The following ADAMTS16 variants were observed in gnomAD, a reference collection of about 807,000 sequenced individuals.
ADAMTS16 encodes the protein A disintegrin and metalloproteinase with thrombospondin motifs 16.
A neutral mutation model predicts 145.8 loss-of-function variants in ADAMTS16; 94 were observed. The ratio of observed to expected loss-of-function variants is 0.64; its 90% CI spans 0.55 to 0.77. ADAMTS16 has a LOEUF of 0.77. Ranked by LOEUF, ADAMTS16 falls within the 30% of genes least tolerant of loss-of-function variation. The probability of loss-of-function intolerance (pLI) is 0.00; values close to 1 mark genes in which losing one functional copy is unlikely to be tolerated. For missense variants in ADAMTS16, 1,585 were observed against 1,591.5 expected (o/e 1.00, Z 0.07); for synonymous variants, 659 against 604.3 (o/e 1.09, Z -1.33).
chr5:5,319,681 G>T lies in ADAMTS16; in HGVS notation c.*543G>T, dbSNP rs1184203235. ...AGGCTCCTCCTCCTCCTCCCCAGCG[G>T]CCGAGCATCTCTTACCAGGAACCTG... On this transcript the variant is annotated 3_prime_UTR_variant, in exon 23 of 23. Coordinates refer to ENST00000274181, the MANE Select transcript of ADAMTS16 (RefSeq NM_139056.4). 2.5e-5 allele frequency: 9 copies of T among 353,732 alleles called. No individual in the cohort carries two copies. The highest frequency in any genetic ancestry group is 4.9e-5 in the Non-Finnish European group (9 of 183,088). 21.9% of individuals were successfully genotyped at this position (353,732 alleles called of 1,614,324 possible).
At chr5:5,297,840 T>C (rs968630223) in intron 18 of ADAMTS16, among the ~76,000 whole-genome samples, 1 of 152,238 alleles carries the variant, frequency 6.6e-6, no homozygotes, top group African/African-American at 2.4e-5. Context: ...AACAATTCAG[T>C]GTCTGTGTCT....
chr5:5,242,376 A>G (rs917753520), intron 17 of ADAMTS16, among the ~76,000 whole-genome samples, 185 bp downstream of exon 17: 2 of 152,140 alleles, frequency 1.3e-5, no homozygotes, highest in Admixed American at 1.3e-4. Context: ...TGCCTTCTCC[A>G]GTCTATCTGC....
At chr5:5,141,891 TA>T (rs11362322) in intron 2 of ADAMTS16, among the ~76,000 whole-genome samples, 68,291 of 151,748 alleles carry the variant, frequency 0.45, 15,873 homozygotes, top group Admixed American at 0.57. Context: ...TATAAAATGT[TA>T]AAAAAAATTG....
chr5:5,191,069 C>T (rs1245389596), intron 7 of ADAMTS16, among the ~76,000 whole-genome samples: 1 of 152,188 alleles, frequency 6.6e-6, no homozygotes. Context: ...TGCCACGACT[C>T]ATTGCTGGGG....
At chr5:5,207,083 A>G (rs1002638887) in intron 9 of ADAMTS16, among the ~76,000 whole-genome samples, 2 of 152,218 alleles carry the variant, frequency 1.3e-5, no homozygotes, top group Non-Finnish European at 2.9e-5. Flanking sequence ...TATATCCTCA[A>G]AATAACTTCC....
At chr5:5,270,093 C>T (rs1738406900) in intron 18 of ADAMTS16, among the ~76,000 whole-genome samples, 1 of 152,200 alleles carries the variant, frequency 6.6e-6, no homozygotes, top group Admixed American at 6.5e-5. Context: ...AATACAGAAG[C>T]CTCTCTGTGA....
At chr5:5,174,352 TTTCTC>T (rs1454708116) in intron 3 of ADAMTS16, among the ~76,000 whole-genome samples, 4 of 152,106 alleles carry the variant, frequency 2.6e-5, no homozygotes, top group African/African-American at 7.2e-5. Context: ...TGTTTTTTCT[TTTCTC>T]TTGTTGCTTT....
At chr5:5,262,903 G>C (rs1484151779) in intron 18 of ADAMTS16, 120 bp downstream of exon 18, 2 of 1,428,310 alleles carry the variant, frequency 1.4e-6, no homozygotes, top group South Asian at 1.4e-5. Context: ...CATAACAGTG[G>C]AGAAGCAAAG....
intron 18 of ADAMTS16, among the ~76,000 whole-genome samples, chr5:5,274,666 GTA>G (rs768781205): frequency 4.6e-5 from 7 of 150,592 alleles, no homozygotes; most frequent in African/African-American, 7.4e-5. Flanking sequence ...GTGCATGTGT[GTA>G]TATGTGTATA....
At chr5:5,144,963 T>C (rs1429886891) in intron 2 of ADAMTS16, among the ~76,000 whole-genome samples, 2 of 152,108 alleles carry the variant, frequency 1.3e-5, no homozygotes, top group African/African-American at 4.8e-5. Context: ...TCCTGTTGGG[T>C]GGGCGAGGCA....
At position 5,151,678 on chromosome 5, in the gene ADAMTS16, TTG is replaced by T. The variant is rs60381485; in HGVS notation, c.501+5269_501+5270del. On this transcript the variant is annotated intron_variant, in intron 3 of 22. Transcript: ENST00000274181. ...TATCCATTATTTCCCATAGTTCCCTTTGTGTGTGTGTGTGTGTGTGTGTGTGT... is the reference window on the plus strand; with the variant it reads ...TATCCATTATTTCCCATAGTTCCCTTTGTGTGTGTGTGTGTGTGTGTGTGT... Among the ~76,000 whole-genome samples, 15 of 139,676 alleles carry T rather than the reference TTG, an allele frequency of 1.1e-4. No individual in the cohort carries two copies. In the East Asian group the frequency reaches 2.8e-3, roughly 26 times the overall value. The allele number at this position is 139,676 out of a possible 152,430, so 91.6% of individuals were successfully genotyped here. A position where few individuals can be genotyped will look rare whatever the true frequency, so the allele number is the denominator to read the frequency against.
chr5:5,174,554 G>A (rs561082605), intron 3 of ADAMTS16, among the ~76,000 whole-genome samples: 193 of 152,022 alleles, frequency 1.3e-3, no homozygotes, highest in African/African-American at 4.3e-3. Flanking sequence ...CTCTCTCTCT[G>A]CCTTCTCTTT....
intron 11 of ADAMTS16, among the ~76,000 whole-genome samples, chr5:5,224,103 T>C (rs1340408412): frequency 6.6e-6 from 1 of 152,090 alleles, no homozygotes; most frequent in Non-Finnish European, 1.5e-5. Flanking sequence ...AGAAATAAGA[T>C]AAACTTATTG....
chr5:5,231,798 GA>G (rs1166371737), intron 11 of ADAMTS16, among the ~76,000 whole-genome samples: 1 of 152,196 alleles, frequency 6.6e-6, no homozygotes, highest in Non-Finnish European at 1.5e-5. Context: ...GGGGACAGAT[GA>G]AATTCCACAT....
At chr5:5,230,362 C>T (rs1736887240) in intron 11 of ADAMTS16, among the ~76,000 whole-genome samples, 2 of 152,274 alleles carry the variant, frequency 1.3e-5, no homozygotes, top group Middle Eastern at 3.4e-3. Context: ...ATTTTGAATA[C>T]TCACTAGACA....
At chr5:5,318,936 C>T in intron 22 of ADAMTS16, 87 bp from the exon 23 acceptor site, 3 of 1,030,964 alleles carry the variant, frequency 2.9e-6, no homozygotes, top group South Asian at 1.4e-5. Context: ...GACAAATTCG[C>T]TTTTATTTGC....
chr5:5,302,559 A>G (rs1017073145), intron 18 of ADAMTS16, among the ~76,000 whole-genome samples: 1 of 152,244 alleles, frequency 6.6e-6, no homozygotes, highest in Non-Finnish European at 1.5e-5. Flanking sequence ...TGGAAGACTC[A>G]GTAAGGGAAA....
chr5:5,220,686 T>A (rs1278605390), intron 10 of ADAMTS16, among the ~76,000 whole-genome samples: 1 of 152,030 alleles, frequency 6.6e-6, no homozygotes, highest in Non-Finnish European at 1.5e-5. Flanking sequence ...GCTGAACACA[T>A]TACCTATAAC....
intron 18 of ADAMTS16, among the ~76,000 whole-genome samples, chr5:5,282,197 G>T (rs13179772): frequency 0.97 from 148,130 of 152,288 alleles, 72,172 homozygotes; most frequent in East Asian, 1. Context: ...ATTGATTTGT[G>T]GCTGTTACAC....
Sources: gnomAD v4.1 joint callset for allele counts (sites outside exome capture counted in the v4.1 genomes callset) on GRCh38, gnomAD v4.1.1 for gene constraint, MANE v1.5 for transcripts, NCBI Gene and HGNC (gene_info 2026-07-23, HGNC 2026-07-21) for gene names.